The following PAK4 variants were observed in gnomAD, a reference collection of about 807,000 sequenced individuals.
PAK4 encodes the protein serine/threonine-protein kinase PAK 4.
PAK4 carries 49 observed loss-of-function variants against 53.5 expected under a neutral mutation model. The observed-to-expected ratio is 0.92, with a 90% confidence interval of 0.73 to 1.16. The LOEUF is 1.16. Among genes scored for constraint, PAK4 ranks in the 50% most tolerant of loss-of-function variants. The pLI, the probability that PAK4 is intolerant of heterozygous loss-of-function variation, is 0.00. For synonymous variants in PAK4, 376 were observed against 375.6 expected (o/e 1.00, Z -0.01); for missense variants, 824 against 850.7 (o/e 0.97, Z 0.39).
chr19:39,169,071 G>T (rs1386611209), intron 1 of PAK4, among the ~76,000 whole-genome samples: 2 of 152,212 alleles, frequency 1.3e-5, no homozygotes, highest in African/African-American at 4.8e-5. Context: ...GTTCCGGGCT[G>T]TGACTGTGAT....
Position 39,173,107 on chromosome 19 carries a change from G to T in PAK4, c.394G>T (p.Ala132Ser). ...CACGGCCAGAGGGGGCCCAGGGAAG[G>T]CAGGCAGCCGAGGCCGGTTCGCCGG... The change falls in exon 3 of 9, where the codon GCA (alanine) becomes TCA (serine). Residue 132 changes from alanine (A) to serine (S), a missense_variant. Around this residue, in one of 2 missense-constraint regions of PAK4, gnomAD observed 478 missense variants for 435.8 expected, o/e 1.10. Transcript: ENST00000358301. This position sits in a 1 kb window ranked among gnomAD's most constrained non-coding sequence, Gnocchi z 6.9. The T allele has an allele frequency of 6.5e-7, 1 of 1,547,948 alleles. No individual in the cohort carries two copies. The highest frequency in any genetic ancestry group is 8.7e-7 in the Non-Finnish European group (1 of 1,146,068).
intron 1 of PAK4, among the ~76,000 whole-genome samples, chr19:39,144,223 G>A (rs2073963973): frequency 6.6e-6 from 1 of 152,128 alleles, no homozygotes; most frequent in African/African-American, 2.4e-5. Flanking sequence ...CTTTGGTCCT[G>A]GTCAGACTTG....
chr19:39,176,486 G>A (rs2074607242), intron 6 of PAK4, 104 bp from the exon 8 acceptor site: 19 of 1,482,844 alleles, frequency 1.3e-5, no homozygotes, highest in Non-Finnish European at 1.8e-5. Context: ...TGACCTCTGG[G>A]CCGCACATTG....
intron 1 of PAK4, among the ~76,000 whole-genome samples, chr19:39,142,957 G>A (rs965901525): frequency 6.6e-5 from 10 of 152,068 alleles, no homozygotes; most frequent in African/African-American, 9.7e-5. Context: ...CCAGCCACTC[G>A]GATTCCAGTC....
intron 1 of PAK4, among the ~76,000 whole-genome samples, chr19:39,141,966 C>A (rs1296732672): frequency 6.6e-6 from 1 of 152,164 alleles, no homozygotes; most frequent in Non-Finnish European, 1.5e-5. Context: ...CTACACTTTG[C>A]ATCCGGTTGA....
At chr19:39,138,858 CT>C (rs1239593149) in intron 1 of PAK4, among the ~76,000 whole-genome samples, 21 of 152,198 alleles carry the variant, frequency 1.4e-4, no homozygotes. Flanking sequence ...CAGCTGGGGT[CT>C]CCCCACAGCG....
At chr19:39,166,118 C>G (rs2074371546) in intron 1 of PAK4, among the ~76,000 whole-genome samples, 2 of 152,230 alleles carry the variant, frequency 1.3e-5, no homozygotes, top group Admixed American at 1.3e-4. Context: ...ACCACTGTCT[C>G]TGGGCCAGGC....
At position 39,178,626 on chromosome 19, in the gene PAK4, C is replaced by A. The variant is rs754729427; in HGVS notation, c.*47C>A. On this transcript the variant is annotated 3_prime_UTR_variant, in exon 9 of 9. Coordinates refer to ENST00000358301, the Ensembl canonical transcript of PAK4. The surrounding 1 kb of genome is among the most constrained non-coding windows in gnomAD (Gnocchi z 4.4). ...ACCAAAGAGCCCCCCGGGTCACCCC[C>A]GCCCCACTGAGGCCAGTAGGGGGCC... 4 of 1,516,984 alleles carry A rather than the reference C, an allele frequency of 2.6e-6. No individual in the cohort carries two copies. In the East Asian group the frequency reaches 9.4e-5, roughly 36 times the overall value. The allele number at this position is 1,516,984 out of a possible 1,614,324, so 94.0% of individuals were successfully genotyped here. A position where few individuals can be genotyped will look rare whatever the true frequency, so the allele number is the denominator to read the frequency against.
chr19:39,155,577 C>T (rs1185742111), intron 1 of PAK4, among the ~76,000 whole-genome samples: 1 of 152,144 alleles, frequency 6.6e-6, no homozygotes, highest in South Asian at 2.1e-4. Context: ...GTTACACCTG[C>T]GAGCTCTGCC....
At chr19:39,131,602 C>G (rs1346711258) in intron 1 of PAK4, among the ~76,000 whole-genome samples, 1 of 152,174 alleles carries the variant, frequency 6.6e-6, no homozygotes, top group Non-Finnish European at 1.5e-5. Context: ...TTGGAGGGGC[C>G]GAGGAGGGTG....
At chr19:39,151,435 G>A (rs1249757506) in intron 1 of PAK4, among the ~76,000 whole-genome samples, 2 of 152,256 alleles carry the variant, frequency 1.3e-5, no homozygotes, top group South Asian at 2.1e-4. Flanking sequence ...CAGGCCTCAC[G>A]CAGGGCCACT....
chr19:39,137,554 C>T (rs2073838120), intron 1 of PAK4, among the ~76,000 whole-genome samples: 1 of 152,078 alleles, frequency 6.6e-6, no homozygotes, highest in African/African-American at 2.4e-5. Flanking sequence ...TAGAGTAGAT[C>T]TGGTGGTGTT....
intron 1 of PAK4, among the ~76,000 whole-genome samples, chr19:39,166,211 C>T (rs1473926969): frequency 6.6e-6 from 1 of 152,238 alleles, no homozygotes; most frequent in African/African-American, 2.4e-5. Flanking sequence ...AATCCTAACA[C>T]TTTGGGAAGC....
At chr19:39,165,963 G>A (rs1279414358) in intron 1 of PAK4, among the ~76,000 whole-genome samples, 1 of 152,168 alleles carries the variant, frequency 6.6e-6, no homozygotes, top group South Asian at 2.1e-4. Context: ...CCTCCCTCCA[G>A]GATCATATGT....
chr19:39,139,796 G>A (rs1375196237), intron 1 of PAK4, among the ~76,000 whole-genome samples: 2 of 152,212 alleles, frequency 1.3e-5, no homozygotes, highest in African/African-American at 4.8e-5. Flanking sequence ...GAAGCTGACT[G>A]TACAGCTGTG....
chr19:39,128,339 C>G (rs1269201422), intron 1 of PAK4, among the ~76,000 whole-genome samples: 2 of 152,182 alleles, frequency 1.3e-5, no homozygotes, highest in Non-Finnish European at 2.9e-5. Flanking sequence ...CCTCGCTCCA[C>G]CTGCCTCCTG....
intron 1 of PAK4, among the ~76,000 whole-genome samples, chr19:39,141,128 G>A (rs1467436428): frequency 2.0e-5 from 3 of 152,186 alleles, no homozygotes; most frequent in Admixed American, 6.5e-5. Flanking sequence ...GAATAGTCTC[G>A]CGCCCTCCTG....
Position 39,150,359 on chromosome 19 carries a change from G to A in PAK4, c.-22-19173G>A, listed in dbSNP as rs140639065. Among the ~76,000 whole-genome samples, 72 of 152,138 alleles carry A rather than the reference G, an allele frequency of 4.7e-4. 1 individual carries two copies. In the East Asian group the frequency reaches 0.014, roughly 29 times the overall value. ...CGCGTGTAGAAGATGGCACTGTGTT[G>A]GGCCTAGGTTCAGAGTCGTCCTTGA... On this transcript the variant is annotated intron_variant, in intron 1 of 8. Transcript: ENST00000358301.
At chr19:39,155,519 GC>G (rs1257510171) in intron 1 of PAK4, among the ~76,000 whole-genome samples, 1 of 152,126 alleles carries the variant, frequency 6.6e-6, no homozygotes, top group African/African-American at 2.4e-5. Flanking sequence ...GAACCAAGCA[GC>G]CCTCCGGAGG....
Sources: allele counts gnomAD v4.1 joint callset (sites outside exome capture counted in the v4.1 genomes callset), GRCh38; gene constraint gnomAD v4.1.1; regional missense constraint gnomAD v4.1.1; non-coding constraint Gnocchi (gnomAD v3.1); transcripts MANE v1.5; gene names NCBI Gene and HGNC (gene_info 2026-07-23, HGNC 2026-07-21).